DPP10: variants seen among roughly 807,000 people sequenced by gnomAD.
The protein encoded by DPP10 is dipeptidyl peptidase like 10.
Under a neutral mutation model 120.9 loss-of-function variants are expected in DPP10, and 33 were observed. The observed-to-expected ratio is 0.27, with a 90% confidence interval of 0.21 to 0.37. The LOEUF (loss-of-function observed/expected upper bound fraction) is 0.37. Among genes scored for constraint, DPP10 ranks in the 10% least tolerant of loss-of-function variants. The pLI is 1.00. For synonymous variants in DPP10, 337 were observed against 326.1 expected, an observed-to-expected ratio of 1.03 and a Z score of -0.36; for missense variants, 816 against 942.8, an observed-to-expected ratio of 0.87 and a Z score of 1.76.
intron 1 of DPP10, among the ~76,000 whole-genome samples, chr2:114,714,179 C>T (rs1258779565): frequency 6.6e-6 from 1 of 151,344 alleles, no homozygotes; most frequent in Non-Finnish European, 1.5e-5. Context: ...GTGGAGTATT[C>T]TCGGGAGTTT....
At chr2:114,763,622 GT>G (rs1680466052) in intron 1 of DPP10, among the ~76,000 whole-genome samples, 1 of 152,172 alleles carries the variant, frequency 6.6e-6, no homozygotes, top group East Asian at 1.9e-4. Context: ...ATGATAATAA[GT>G]TCCAATTGGA....
At chr2:115,706,880 C>T (rs866613532) in intron 7 of DPP10, among the ~76,000 whole-genome samples, 1 of 151,920 alleles carries the variant, frequency 6.6e-6, no homozygotes, top group Non-Finnish European at 1.5e-5. Context: ...GCATTAATGT[C>T]GAGACTCTTC....
chr2:115,376,774 T>A (rs1342124295), intron 3 of DPP10, among the ~76,000 whole-genome samples: 3 of 149,796 alleles, frequency 2.0e-5, no homozygotes, highest in African/African-American at 7.4e-5. Context: ...ATTGTTCAAT[T>A]CCCACCTATG....
At chr2:115,777,382 C>T (rs181281122) in intron 14 of DPP10, 83 bp downstream of exon 14, 1 of 1,266,810 alleles carries the variant, frequency 7.9e-7, no homozygotes, top group Non-Finnish European at 1.1e-6. Context: ...GTTTTGCTTA[C>T]CATAGTCCTA....
At chr2:114,556,198 G>A (rs1169439009) in intron 1 of DPP10, among the ~76,000 whole-genome samples, 1 of 137,268 alleles carries the variant, frequency 7.3e-6, no homozygotes, top group Non-Finnish European at 1.5e-5. Flanking sequence ...CTTGAACTAG[G>A]GCTGTAGCAG....
intron 1 of DPP10, among the ~76,000 whole-genome samples, chr2:114,900,204 G>A (rs1693437627): frequency 6.6e-6 from 1 of 152,110 alleles, no homozygotes; most frequent in Non-Finnish European, 1.5e-5. Context: ...TTCACATTGG[G>A]TTCTTACCAA....
chr2:114,807,280 T>C (rs76241143), intron 1 of DPP10, among the ~76,000 whole-genome samples: 4,695 of 152,268 alleles, frequency 0.031, 267 homozygotes, highest in African/African-American at 0.11. Context: ...TATTGATACA[T>C]AATAGTTGTA....
chr2:115,044,078 G>A (rs1704874863), intron 1 of DPP10, among the ~76,000 whole-genome samples: 1 of 152,028 alleles, frequency 6.6e-6, no homozygotes, highest in East Asian at 1.9e-4. Flanking sequence ...ATTTTTAAAT[G>A]TATACTACAT....
At chr2:114,717,895 A>G (rs1701454659) in intron 1 of DPP10, among the ~76,000 whole-genome samples, 1 of 152,224 alleles carries the variant, frequency 6.6e-6, no homozygotes, top group Admixed American at 6.5e-5. Flanking sequence ...AGAATCTTAT[A>G]TACATATCTC....
chr2:114,596,449 C>G (rs1359986275), intron 1 of DPP10, among the ~76,000 whole-genome samples: 1 of 152,010 alleles, frequency 6.6e-6, no homozygotes, highest in South Asian at 2.1e-4. Context: ...TTCATAGCCA[C>G]TAAATCTGTA....
At chr2:115,016,109 G>C (rs1702614816) in intron 1 of DPP10, among the ~76,000 whole-genome samples, 1 of 152,078 alleles carries the variant, frequency 6.6e-6, no homozygotes, top group African/African-American at 2.4e-5. Flanking sequence ...ATACTACAAG[G>C]CTAAAGTAAC....
At chr2:115,357,498 C>A (rs968975545) in intron 3 of DPP10, among the ~76,000 whole-genome samples, 1 of 152,246 alleles carries the variant, frequency 6.6e-6, no homozygotes, top group African/African-American at 2.4e-5. Context: ...AGCGCCACTC[C>A]TGTGGCTTTG....
rs1680588938 is a variant in DPP10 at position 115,765,354 on chromosome 2, G to C, written c.1113+2744G>C. Among the ~76,000 whole-genome samples, 3 of 152,132 alleles carry C rather than the reference G, an allele frequency of 2.0e-5. No individual in the cohort carries two copies. In the South Asian group the frequency reaches 6.2e-4, roughly 31 times the overall value. ...TATGTGGGGGTAAATCTGGTGGATA[G>C]AGTGATATATAAAACTAATATTTTT... On this transcript the variant is annotated intron_variant, in intron 12 of 25. Coordinates refer to ENST00000410059, the MANE Select transcript of DPP10 (RefSeq NM_020868.6).
Position 115,601,970 on chromosome 2 carries a change from C to T in DPP10, c.441+75998C>T, listed in dbSNP as rs141755054. ...TGCTGGGATTACAGGTGTGAGCCACCGCGCCCGGCCAATTGTGTAACTTTC... is the reference window on the plus strand; with the variant it reads ...TGCTGGGATTACAGGTGTGAGCCACTGCGCCCGGCCAATTGTGTAACTTTC... On this transcript the variant is annotated intron_variant, in intron 5 of 25. Coordinates refer to ENST00000410059, the MANE Select transcript of DPP10 (RefSeq NM_020868.6). Among the ~76,000 whole-genome samples, 642 of 152,176 alleles carry T rather than the reference C, an allele frequency of 4.2e-3. 4 individuals carry two copies. Among genetic ancestry groups the T allele is most frequent in the African/African-American group, 0.015 (603 of 41,502 alleles).
intron 1 of DPP10, among the ~76,000 whole-genome samples, chr2:115,151,210 T>C (rs895408319): frequency 3.3e-5 from 5 of 152,142 alleles, no homozygotes; most frequent in Non-Finnish European, 7.4e-5. Context: ...GATAAAGTGT[T>C]ACTGTTGGAA....
intron 5 of DPP10, among the ~76,000 whole-genome samples, chr2:115,627,113 TA>T (rs2085426805): frequency 6.6e-6 from 1 of 151,896 alleles, no homozygotes; most frequent in African/African-American, 2.4e-5. Flanking sequence ...CATGTTGAAT[TA>T]CAAAAAAAAT....
At chr2:115,250,768 CAA>C (rs2058719638) in intron 1 of DPP10, among the ~76,000 whole-genome samples, 1 of 152,126 alleles carries the variant, frequency 6.6e-6, no homozygotes, top group Non-Finnish European at 1.5e-5. Flanking sequence ...ATTGGCTTAG[CAA>C]AGTCTTCTTT....
intron 3 of DPP10, among the ~76,000 whole-genome samples, chr2:115,419,802 A>G (rs1392841470): frequency 1.3e-5 from 2 of 152,182 alleles, no homozygotes; most frequent in Non-Finnish European, 1.5e-5. Context: ...GAACTAAAAT[A>G]TATTTTAAAA....
At chr2:114,988,104 G>A (rs372333724) in intron 1 of DPP10, among the ~76,000 whole-genome samples, 4 of 151,982 alleles carry the variant, frequency 2.6e-5, no homozygotes, top group Admixed American at 6.6e-5. Flanking sequence ...GCGCCCGGCC[G>A]CCGGAGACTG....
Sources: gnomAD v4.1 joint callset for allele counts (sites outside exome capture counted in the v4.1 genomes callset) on GRCh38, gnomAD v4.1.1 for gene constraint, MANE v1.5 for transcripts, NCBI Gene and HGNC (gene_info 2026-07-23, HGNC 2026-07-21) for gene names.